The following CACNA1B variants were observed in gnomAD, a reference collection of about 807,000 sequenced individuals.
CACNA1B encodes calcium voltage-gated channel subunit alpha1 B.
CACNA1B carries 70 observed loss-of-function variants against 247.2 expected under a neutral mutation model. The observed-to-expected ratio is 0.28, with a 90% CI of 0.23 to 0.35. CACNA1B has a LOEUF of 0.35. CACNA1B is among the 10% of genes least tolerant of loss of function. CACNA1B has a pLI of 1.00. For synonymous variants in CACNA1B, 1,231 were observed against 1,294.4 expected, an observed-to-expected ratio of 0.95 and a Z score of 1.05; for missense variants, 2,367 against 3,197.4, an observed-to-expected ratio of 0.74 and a Z score of 6.26.
Position 137,971,670 on chromosome 9 carries a change from G to A in CACNA1B, c.1543+78G>A, listed in dbSNP as rs1427028423. 5 of 1,291,510 alleles carry A rather than the reference G, an allele frequency of 3.9e-6. No homozygotes were observed. Among genetic ancestry groups the A allele is most frequent in the Non-Finnish European group, 5.5e-6 (5 of 915,408 alleles). The allele number at this position is 1,291,510 out of a possible 1,614,324, so 80.0% of individuals were successfully genotyped here. ...TCTGGAAACCCTGGTCCATGCCCTG[G>A]GGCTACCCCAGGTGGGACGGGACCC... On this transcript the variant is annotated intron_variant, in intron 11 of 46. Coordinates refer to ENST00000371372, the MANE Select transcript of CACNA1B (RefSeq NM_000718.4). This position sits in a 1 kb window ranked among gnomAD's most constrained non-coding sequence, Gnocchi z 4.4.
intron 23 of CACNA1B, among the ~76,000 whole-genome samples, chr9:138,048,944 C>T (rs1400739173): frequency 6.6e-6 from 1 of 152,208 alleles, no homozygotes; most frequent in Non-Finnish European, 1.5e-5. Flanking sequence ...TCTTGAACTC[C>T]AGAGCTCAGG....
In CACNA1B at chr9:138,050,384, C is replaced by T. The variant is rs987110510; in HGVS notation, c.3710+1069C>T. Among the ~76,000 whole-genome samples the T allele has an allele frequency of 2.6e-5, 4 of 152,154 alleles. No homozygotes were observed. The highest frequency in any genetic ancestry group is 4.8e-5 in the African/African-American group (2 of 41,444). The stretch of plus-strand genomic sequence containing the variant: ...TTGGCCTGGAGGGCAGCAAGGGCTC[C>T]GGGAGGGAACTGCCACCTGTGGCCA... On this transcript the variant is annotated intron_variant, in intron 24 of 46. Transcript: ENST00000371372. The surrounding 1 kb of genome is among the most constrained non-coding windows in gnomAD (Gnocchi z 5.2).
Position 137,897,063 on chromosome 9 carries a change from A to G in CACNA1B, c.530+14180A>G, listed in dbSNP as rs112078985. Among the ~76,000 whole-genome samples, 93 of 151,530 alleles carry G rather than the reference A, an allele frequency of 6.1e-4. 2 individuals are homozygous for G. Among genetic ancestry groups the G allele is most frequent in the African/African-American group, 2.0e-3 (83 of 41,190 alleles). ...GGTCAGTCTTGCTGGAAATTTGTCA[A>G]TTATGTCAGTTTTTTTTCCCAGAGA... is the stretch of plus-strand genomic sequence containing the variant. On this transcript the variant is annotated intron_variant, in intron 3 of 46. Coordinates refer to ENST00000371372, the MANE Select transcript of CACNA1B (RefSeq NM_000718.4).
Position 137,919,348 on chromosome 9 carries a change from G to C in CACNA1B, c.966+1917G>C, listed in dbSNP as rs1304226415. Among the ~76,000 whole-genome samples the C allele has an allele frequency of 1.3e-5, 2 of 152,248 alleles. No individual in the cohort carries two copies. Among genetic ancestry groups the C allele is most frequent in the Admixed American group, 6.5e-5 (1 of 15,288 alleles). On this transcript the variant is annotated intron_variant, in intron 6 of 46. Transcript: ENST00000371372. The surrounding 1 kb of genome is among the most constrained non-coding windows in gnomAD (Gnocchi z 4.6). ...GAGGAGCAGGCAGTGACGAGGTACA[G>C]GGTACTGGGAGGGCAAGGCCTGGTG...
At chr9:137,977,602 A>T (rs1471699207) in intron 12 of CACNA1B, among the ~76,000 whole-genome samples, 1 of 152,162 alleles carries the variant, frequency 6.6e-6, no homozygotes, top group African/African-American at 2.4e-5. Context: ...AGCACAGGAC[A>T]CTTCCTGGGA....
At chr9:138,032,394 A>C (rs1031617440) in intron 20 of CACNA1B, among the ~76,000 whole-genome samples, 1 of 152,134 alleles carries the variant, frequency 6.6e-6, no homozygotes, top group Non-Finnish European at 1.5e-5. Context: ...TTTTGCTTCA[A>C]CTGTCACACA....
chr9:137,949,845 A>C (rs1368230260), intron 6 of CACNA1B, among the ~76,000 whole-genome samples: 1 of 152,140 alleles, frequency 6.6e-6, no homozygotes, highest in African/African-American at 2.4e-5. Context: ...GCACCTTTGT[A>C]GAAGTATCTG....
intron 3 of CACNA1B, among the ~76,000 whole-genome samples, chr9:137,900,556 GTGTC>G (rs968459670): frequency 1.5e-4 from 22 of 150,782 alleles, no homozygotes; most frequent in East Asian, 2.0e-4. Context: ...GTGTGTCTCT[GTGTC>G]TGTCTATGTG....
In CACNA1B at chr9:138,115,547, T is replaced by G. The variant is rs1564294675; in HGVS notation, c.5650-5T>G. 2 of 1,611,976 alleles carry G rather than the reference T, an allele frequency of 1.2e-6. No homozygotes were observed. The highest frequency in any genetic ancestry group is 2.2e-5 in the East Asian group (1 of 44,814). ...CTCTTTCCCTTCCCTTTGCCTCCTT[T>G]GCAGATGGGTCCTGTGTCCCTGTTC... On this transcript the variant is annotated splice_region_variant and splice_polypyrimidine_tract_variant and intron_variant, in intron 41 of 46. Coordinates refer to ENST00000371372, the MANE Select transcript of CACNA1B (RefSeq NM_000718.4).
chr9:137,971,350 C>A lies in CACNA1B; in HGVS notation c.1334-33C>A, dbSNP rs201202286. On this transcript the variant is annotated intron_variant, in intron 10 of 46. Coordinates refer to ENST00000371372, the MANE Select transcript of CACNA1B (RefSeq NM_000718.4). This position sits in a 1 kb window ranked among gnomAD's most constrained non-coding sequence, Gnocchi z 4.4. ...GTGGGGTAGGCGGGTGCCCATTGGT[C>A]CCCACATCCTCAGTAACTCCCCATC... is the stretch of plus-strand genomic sequence containing the variant. 2 of 1,539,188 alleles carry A rather than the reference C, an allele frequency of 1.3e-6. No homozygotes were observed. Among genetic ancestry groups the A allele is most frequent in the Non-Finnish European group, 1.8e-6 (2 of 1,125,346 alleles).
chr9:137,906,862 G>A (rs1479154716), intron 3 of CACNA1B, among the ~76,000 whole-genome samples: 6 of 152,140 alleles, frequency 3.9e-5, no homozygotes, highest in Non-Finnish European at 8.8e-5. Context: ...TTTAACATAC[G>A]TGTTCCTCTG....
intron 36 of CACNA1B, among the ~76,000 whole-genome samples, chr9:138,095,898 C>T (rs1196747163): frequency 8.5e-6 from 1 of 118,312 alleles, no homozygotes; most frequent in African/African-American, 3.3e-5. Flanking sequence ...CCAGAATAGA[C>T]AAAGCCATAG....
rs556740092 is a variant in CACNA1B, at chr9:138,054,860, G to T, written c.3968+854G>T. Among the ~76,000 whole-genome samples, 3 of 152,264 alleles carry T rather than the reference G, an allele frequency of 2.0e-5. No homozygotes were observed. The highest frequency in any genetic ancestry group is 7.2e-5 in the African/African-American group (3 of 41,550). ...CTGGGTGTAGTGGTCATTCACCGTG[G>T]TTTAATTTTGCACTTGTGTGATGAC... is the stretch of plus-strand genomic sequence containing the variant. On this transcript the variant is annotated intron_variant, in intron 26 of 46. Transcript: ENST00000371372. The surrounding 1 kb of genome is among the most constrained non-coding windows in gnomAD (Gnocchi z 4.6).
At chr9:138,101,895 C>T (rs942679833) in intron 37 of CACNA1B, among the ~76,000 whole-genome samples, 1 of 152,172 alleles carries the variant, frequency 6.6e-6, no homozygotes. Flanking sequence ...CCCCAGGCCT[C>T]GTGGCCTCTC....
chr9:138,030,956 G>A (rs976505265), intron 20 of CACNA1B, among the ~76,000 whole-genome samples: 2 of 152,106 alleles, frequency 1.3e-5, no homozygotes, highest in East Asian at 1.9e-4. Context: ...TGAGTCTTAC[G>A]AGGAGTTTGT....
intron 3 of CACNA1B, among the ~76,000 whole-genome samples, chr9:137,904,565 C>T (rs1957276584): frequency 6.6e-6 from 1 of 151,574 alleles, no homozygotes; most frequent in African/African-American, 2.4e-5. Context: ...AGATGGGTCT[C>T]ATATGTTGTC....
rs1957954684 is a variant in CACNA1B, at chr9:137,956,814, G to A, written c.1230G>A (p.Lys410=). 3 of 1,613,750 alleles carry A rather than the reference G, an allele frequency of 1.9e-6. No homozygotes were observed. Among genetic ancestry groups the A allele is most frequent in the Non-Finnish European group, 2.5e-6 (3 of 1,179,696 alleles). The change falls in exon 9 of 47, where the codon AAG becomes AAA. Residue 410 remains lysine, a synonymous_variant. Transcript: ENST00000371372. ...LAEEDRNAEE[K]SPLDVLKRAA... ...AGGAGGACAGGAATGCAGAGGAGAA[G>A]TCCCCTTTGGACGGTAGGTGGCACT... is the stretch of plus-strand genomic sequence containing the variant.
chr9:138,024,964 C>A lies in CACNA1B; in HGVS notation c.3078C>A (p.His1026Gln). ...ELRNHQPREPHCDLETSGTVT... is the reference protein window; with the variant it reads ...ELRNHQPREPQCDLETSGTVT... The stretch of plus-strand genomic sequence containing the variant: ...ACATTCTTGATTGCAGGGAGCCACA[C>A]TGTGACCTGGAGACCAGTGGGACTG... The change falls in exon 20 of 47, where the codon CAC (histidine) becomes CAA (glutamine). Residue 1026 changes from histidine (H) to glutamine (Q), a missense_variant. His to Gln is a conservative substitution (Grantham distance 24). Coordinates refer to ENST00000371372, the MANE Select transcript of CACNA1B (RefSeq NM_000718.4). 6.3e-7 allele frequency: 1 copy of A among 1,577,268 alleles called. No homozygotes were observed. The highest frequency in any genetic ancestry group is 8.6e-7 in the Non-Finnish European group (1 of 1,161,344).
rs1961292177 is a variant in CACNA1B, at chr9:138,102,672, A to G, written c.5223-39A>G. Reference sequence around the variant, plus strand: ...CCTGCTGCCGCTCCTCCTGTGGACCACCCCACTGTGCCCTGGCCTCGCTGG... The same window carrying G: ...CCTGCTGCCGCTCCTCCTGTGGACCGCCCCACTGTGCCCTGGCCTCGCTGG... On this transcript the variant is annotated intron_variant, in intron 37 of 46. Transcript: ENST00000371372. This position sits in a 1 kb window ranked among gnomAD's most constrained non-coding sequence, Gnocchi z 5.4. 1.6e-6 allele frequency: 2 copies of G among 1,280,452 alleles called. No individual in the cohort carries two copies. The highest frequency in any genetic ancestry group is 2.2e-6 in the Non-Finnish European group (2 of 895,200). 79.3% of individuals were successfully genotyped at this position (1,280,452 alleles called of 1,614,324 possible).
Sources: gnomAD v4.1 joint callset for allele counts (sites outside exome capture counted in the v4.1 genomes callset) on GRCh38, gnomAD v4.1.1 for gene constraint, Gnocchi (gnomAD v3.1) non-coding constraint, MANE v1.5 for transcripts, NCBI Gene and HGNC (gene_info 2026-07-23, HGNC 2026-07-21) for gene names.